Variants in MYH10 observed in about 807,000 individuals in gnomAD.
The protein encoded by MYH10 is myosin heavy chain 10.
A neutral mutation model predicts 257.8 loss-of-function variants in MYH10; 55 were observed. That is an observed-to-expected ratio of 0.21 (90% CI 0.17 to 0.27). The LOEUF (loss-of-function observed/expected upper bound fraction) is 0.27, where lower values mean the gene tolerates loss of function less well. MYH10 is among the 10% of genes least tolerant of loss of function. The pLI is 1.00. For synonymous variants in MYH10, 854 were observed against 921.7 expected, an observed-to-expected ratio of 0.93 and a Z score of 1.33; for missense variants, 1,631 against 2,500.6, an observed-to-expected ratio of 0.65 and a Z score of 7.42.
intron 21 of MYH10, among the ~76,000 whole-genome samples, chr17:8,516,921 A>G (rs1421517150): frequency 1.5e-4 from 23 of 152,160 alleles, no homozygotes; most frequent in Admixed American, 1.4e-3. Context: ...GGTGGATCAC[A>G]AGGTCAGGAG....
Position 8,506,133 on chromosome 17 carries a change from G to A in MYH10, c.3386+185C>T, listed in dbSNP as rs558608426. 1.5e-5 allele frequency: 8 copies of A among 517,160 alleles called. No homozygotes were observed. The East Asian group carries it at 2.0e-4, about 13-fold the overall frequency. The allele number at this position is 517,160 out of a possible 1,614,324, so 32.0% of individuals were successfully genotyped here. A position where few individuals can be genotyped will look rare whatever the true frequency, so the allele number is the denominator to read the frequency against. On this transcript the variant is annotated intron_variant, in intron 27 of 42. Transcript: ENST00000360416. The surrounding 1 kb of genome is among the most constrained non-coding windows in gnomAD (Gnocchi z 5.0). ...AAGTATAAATATTGAGATGGTTTAT[G>A]AGACTTTCTTGCTGTCCTGACACAA...
chr17:8,480,936 C>T (rs1040215417), intron 38 of MYH10, among the ~76,000 whole-genome samples: 16 of 1,730 alleles, frequency 9.2e-3, no homozygotes, highest in South Asian at 0.17. Context: ...CTCAAAAAGG[C>T]GCATGATGGA....
chr17:8,499,217 A>C, intron 30 of MYH10, 53 bp downstream of exon 30: 1 of 1,558,786 alleles, frequency 6.4e-7, no homozygotes, highest in Non-Finnish European at 8.7e-7. Flanking sequence ...TACAATGGTA[A>C]ATTAGGGACA....
rs757913620 is a variant in MYH10, at chr17:8,492,784, ACTT to A, written c.4447_4449del (p.Lys1483del). The A allele has an allele frequency of 1.9e-6, 3 of 1,613,492 alleles. No homozygotes were observed. Among genetic ancestry groups the A allele is most frequent in the Non-Finnish European group, 2.5e-6 (3 of 1,179,966 alleles). ...ACACGTGGCCGACCCACCTGGTCAAACTTCTTCTGCTTCTTCTCCAAGTTGGAG... is the reference window on the plus strand; with the variant it reads ...ACACGTGGCCGACCCACCTGGTCAAACTTCTGCTTCTTCTCCAAGTTGGAG... On this transcript the variant is annotated inframe_deletion, in exon 33 of 43. Transcript: ENST00000360416.
intron 17 of MYH10, among the ~76,000 whole-genome samples, chr17:8,525,278 T>C (rs2081804662): frequency 6.6e-6 from 1 of 152,216 alleles, no homozygotes; most frequent in Admixed American, 6.5e-5. Context: ...CTCCCTTCTC[T>C]AGGCTTCAAA....
chr17:8,576,564 G>A (rs1435491726), intron 6 of MYH10, 79 bp downstream of exon 6: 2 of 1,367,904 alleles, frequency 1.5e-6, no homozygotes, highest in East Asian at 5.0e-5. Context: ...AGTGGCATTT[G>A]ATTCTAGCAG....
At chr17:8,618,457 T>A (rs2085347306) in intron 2 of MYH10, among the ~76,000 whole-genome samples, 2 of 152,184 alleles carry the variant, frequency 1.3e-5, no homozygotes, top group African/African-American at 4.8e-5. Flanking sequence ...CAGGCTGGTC[T>A]CGAACTCCTG....
chr17:8,595,821 A>G (rs2084347173), intron 3 of MYH10, among the ~76,000 whole-genome samples: 2 of 152,132 alleles, frequency 1.3e-5, no homozygotes, highest in Non-Finnish European at 2.9e-5. Flanking sequence ...CCTACTGTCT[A>G]TATCTCTACA....
At chr17:8,529,035 G>A (rs759595433) in intron 17 of MYH10, among the ~76,000 whole-genome samples, 2 of 152,138 alleles carry the variant, frequency 1.3e-5, no homozygotes, top group African/African-American at 4.8e-5. Flanking sequence ...GAGCCACCCC[G>A]CTGCTCATTC....
chr17:8,551,928 A>T, intron 9 of MYH10, 118 bp downstream of exon 9: 2 of 464,642 alleles, frequency 4.3e-6, no homozygotes, highest in South Asian at 1.5e-4. Flanking sequence ...TGATTTAACC[A>T]GCTGGAAATT....
At chr17:8,476,800 C>T (rs1912717184) in intron 42 of MYH10, 76 bp downstream of exon 42, 2 of 1,485,392 alleles carry the variant, frequency 1.3e-6, no homozygotes, top group East Asian at 2.4e-5. Flanking sequence ...TAAACTTCCT[C>T]TGACCAGCTG....
intron 31 of MYH10, 153 bp from the exon 32 acceptor site, chr17:8,494,038 C>A: frequency 2.3e-6 from 2 of 866,006 alleles, no homozygotes; most frequent in Non-Finnish European, 3.5e-6. Context: ...TAAAAACACA[C>A]ACGATAACTT....
chr17:8,500,055 T>A (rs982043817), intron 29 of MYH10, among the ~76,000 whole-genome samples: 1 of 152,186 alleles, frequency 6.6e-6, no homozygotes, highest in Non-Finnish European at 1.5e-5. Flanking sequence ...TAGGAGACTG[T>A]GCCACAGGGT....
At chr17:8,626,040 T>A (rs969718467) in intron 1 of MYH10, among the ~76,000 whole-genome samples, 2 of 152,156 alleles carry the variant, frequency 1.3e-5, no homozygotes, top group African/African-American at 4.8e-5. Flanking sequence ...AAACAAAAAA[T>A]CACACAACAT....
intron 25 of MYH10, among the ~76,000 whole-genome samples, chr17:8,509,117 TA>T (rs1470362449): frequency 1.3e-5 from 2 of 152,204 alleles, no homozygotes; most frequent in African/African-American, 4.8e-5. Flanking sequence ...TGTGCCATTT[TA>T]AATCTTTTCT....
chr17:8,564,436 C>T (rs1597840614), intron 7 of MYH10, among the ~76,000 whole-genome samples: 1 of 152,330 alleles, frequency 6.6e-6, no homozygotes, highest in East Asian at 1.9e-4. Context: ...GGCCTGCCCA[C>T]GGAGCAACTG....
At chr17:8,540,140 C>T (rs2082253663) in intron 14 of MYH10, among the ~76,000 whole-genome samples, 1 of 152,178 alleles carries the variant, frequency 6.6e-6, no homozygotes. Context: ...CAGGCACATG[C>T]CACCACATCC....
intron 1 of MYH10, among the ~76,000 whole-genome samples, chr17:8,628,612 A>G (rs1186941854): frequency 2.0e-5 from 3 of 152,214 alleles, no homozygotes; most frequent in Non-Finnish European, 4.4e-5. Flanking sequence ...CTGCTAATTT[A>G]TCAAAATCCT....
chr17:8,546,764 A>G, intron 11 of MYH10, 102 bp from the exon 12 acceptor site: 1 of 774,252 alleles, frequency 1.3e-6, no homozygotes, highest in Non-Finnish European at 2.0e-6. Context: ...ATTAAATTGT[A>G]TTAAGAAATA....
Sources: gnomAD v4.1 joint callset for allele counts (sites outside exome capture counted in the v4.1 genomes callset) on GRCh38, gnomAD v4.1.1 for gene constraint, Gnocchi (gnomAD v3.1) non-coding constraint, MANE v1.5 for transcripts, NCBI Gene and HGNC (gene_info 2026-07-23, HGNC 2026-07-21) for gene names.